IL1RAPL2: variants seen among roughly 807,000 people sequenced by gnomAD.
IL1RAPL2 encodes the protein X-linked interleukin-1 receptor accessory protein-like 2.
In IL1RAPL2, 3 loss-of-function variants were observed where a neutral mutation model predicts 44.1. The ratio of observed to expected loss-of-function variants is 0.07; its 90% CI spans 0.03 to 0.18. IL1RAPL2 has a LOEUF of 0.18. Among genes scored for constraint, IL1RAPL2 ranks in the 10% least tolerant of loss-of-function variants. The probability of loss-of-function intolerance (pLI) is 1.00; values close to 1 mark genes in which losing one functional copy is unlikely to be tolerated. For missense variants in IL1RAPL2, 391 were observed against 496.4 expected, an observed-to-expected ratio of 0.79 and a Z score of 2.02; for synonymous variants, 181 against 178.8, an observed-to-expected ratio of 1.01 and a Z score of -0.10.
At chrX:105,546,374 ATATT>A (rs1023476872) in intron 6 of IL1RAPL2, among the ~76,000 whole-genome samples, 2 of 111,783 alleles carry the variant, frequency 1.8e-5, no homozygotes, top group Non-Finnish European at 3.8e-5. Context: ...CGAGAATTCC[ATATT>A]TATTTAGGAA....
chrX:105,445,084 T>TGTTC (rs910602715), intron 5 of IL1RAPL2, among the ~76,000 whole-genome samples: 14 of 111,697 alleles, frequency 1.3e-4, no homozygotes, highest in African/African-American at 4.2e-4. Flanking sequence ...ATTCTTGGTC[T>TGTTC]GTTCAGGTTT....
At chrX:105,534,451 A>G (rs1408180295) in intron 6 of IL1RAPL2, among the ~76,000 whole-genome samples, 1 of 111,610 alleles carries the variant, frequency 9.0e-6, no homozygotes, top group Non-Finnish European at 1.9e-5. Context: ...CTCATTTTCT[A>G]TGATGTAATT....
intron 2 of IL1RAPL2, among the ~76,000 whole-genome samples, chrX:104,773,668 A>G (rs750157663): frequency 8.9e-6 from 1 of 112,164 alleles, no homozygotes; most frequent in Non-Finnish European, 1.9e-5. Flanking sequence ...GCTGTTGTCA[A>G]TAAACTTGGA....
chrX:104,797,966 C>T (rs981282301), intron 2 of IL1RAPL2, among the ~76,000 whole-genome samples: 1 of 111,758 alleles, frequency 8.9e-6, no homozygotes, highest in Non-Finnish European at 1.9e-5. Flanking sequence ...AAAAATGACC[C>T]AGCAAGATAG....
intron 2 of IL1RAPL2, among the ~76,000 whole-genome samples, chrX:105,025,055 G>A (rs185203575): frequency 9.1e-6 from 1 of 109,852 alleles, no homozygotes; most frequent in Non-Finnish European, 1.9e-5. Context: ...GTGTATTGTA[G>A]GGGGATTATT....
intron 2 of IL1RAPL2, among the ~76,000 whole-genome samples, chrX:105,089,941 A>G (rs1334293833): frequency 9.0e-6 from 1 of 111,690 alleles, no homozygotes; most frequent in Non-Finnish European, 1.9e-5. Flanking sequence ...AAAAGTTAAA[A>G]TGGTTGTTCC....
intron 2 of IL1RAPL2, among the ~76,000 whole-genome samples, chrX:105,024,665 G>C (rs1290293755): frequency 9.0e-6 from 1 of 111,423 alleles, no homozygotes; most frequent in Non-Finnish European, 1.9e-5. Context: ...CCAATCAAAA[G>C]AGAAAAGAGG....
intron 5 of IL1RAPL2, among the ~76,000 whole-genome samples, chrX:105,463,333 G>C (rs768952068): frequency 1.8e-5 from 2 of 110,986 alleles, no homozygotes; most frequent in Non-Finnish European, 3.8e-5. Context: ...ATAAAGACAA[G>C]GATAAGCTCT....
intron 2 of IL1RAPL2, among the ~76,000 whole-genome samples, chrX:104,772,820 T>C (rs1932659519): frequency 8.9e-6 from 1 of 112,408 alleles, no homozygotes; most frequent in African/African-American, 3.2e-5. Flanking sequence ...ATTAGAGTTT[T>C]TGAGTTAGGG....
intron 5 of IL1RAPL2, among the ~76,000 whole-genome samples, chrX:105,475,695 A>C (rs914894879): frequency 2.7e-5 from 3 of 110,585 alleles, no homozygotes; most frequent in South Asian, 3.9e-4. Flanking sequence ...AGAAAAAAAA[A>C]AAAACAAAAC....
chrX:105,483,200 CCTTT>C (rs2036244084), intron 5 of IL1RAPL2, among the ~76,000 whole-genome samples: 2 of 110,208 alleles, frequency 1.8e-5, no homozygotes, highest in African/African-American at 6.6e-5. Context: ...GACATCACTT[CCTTT>C]GAGTCATTTT....
intron 2 of IL1RAPL2, among the ~76,000 whole-genome samples, chrX:104,898,513 GT>G (rs765936201): frequency 2.7e-4 from 30 of 112,471 alleles, no homozygotes; most frequent in Non-Finnish European, 5.1e-4. Flanking sequence ...AAAGGCTGGG[GT>G]TAACCTTTTT....
At chrX:105,163,973 A>G (rs1460919434) in intron 2 of IL1RAPL2, among the ~76,000 whole-genome samples, 6 of 111,487 alleles carry the variant, frequency 5.4e-5, no homozygotes, top group Non-Finnish European at 9.4e-5. Flanking sequence ...AATACTCTCT[A>G]CAAGGTATCT....
At chrX:104,939,484 A>C (rs1304652285) in intron 2 of IL1RAPL2, among the ~76,000 whole-genome samples, 1 of 111,914 alleles carries the variant, frequency 8.9e-6, no homozygotes, top group African/African-American at 3.2e-5. Context: ...TATTAAACCT[A>C]ATCCCTGAAT....
chrX:105,132,284 A>G (rs2033035064), intron 2 of IL1RAPL2, among the ~76,000 whole-genome samples: 1 of 111,205 alleles, frequency 9.0e-6, no homozygotes, highest in South Asian at 3.7e-4. Flanking sequence ...TAATTTAAAA[A>G]AAACACAGTT....
At chrX:105,311,804 G>A (rs890562070) in intron 5 of IL1RAPL2, among the ~76,000 whole-genome samples, 1 of 111,246 alleles carries the variant, frequency 9.0e-6, no homozygotes, top group Non-Finnish European at 1.9e-5. Context: ...CTCCAAGTGA[G>A]TGTAGAGGCA....
intron 5 of IL1RAPL2, among the ~76,000 whole-genome samples, chrX:105,433,210 G>GA (rs987703957): frequency 5.4e-5 from 6 of 110,197 alleles, no homozygotes; most frequent in Non-Finnish European, 1.1e-4. Flanking sequence ...CCCGGAGTGG[G>GA]AAAAAACCCC....
intron 10 of IL1RAPL2, among the ~76,000 whole-genome samples, chrX:105,765,556 G>A (rs895119737): frequency 8.0e-5 from 9 of 112,327 alleles, no homozygotes; most frequent in African/African-American, 2.9e-4. Context: ...GCATGAGAAA[G>A]ATCCTGAAAT....
chrX:105,284,826 C>T (rs759712416), intron 5 of IL1RAPL2, among the ~76,000 whole-genome samples: 8 of 111,148 alleles, frequency 7.2e-5, no homozygotes, highest in African/African-American at 2.6e-4. Flanking sequence ...ATGCATTTCT[C>T]AAGTTTAATG....
Sources: allele counts gnomAD v4.1 joint callset (sites outside exome capture counted in the v4.1 genomes callset), GRCh38; gene constraint gnomAD v4.1.1; transcripts MANE v1.5; gene names NCBI Gene and HGNC (gene_info 2026-07-23, HGNC 2026-07-21).